The following SHQ1 variants were observed in gnomAD, a reference collection of about 807,000 sequenced individuals.
SHQ1 encodes the protein SHQ1, H/ACA ribonucleoprotein assembly factor.
A neutral mutation model predicts 53.8 loss-of-function variants in SHQ1; 49 were observed. That is an observed-to-expected ratio of 0.91 (90% CI 0.72 to 1.16). SHQ1 has a LOEUF of 1.16. SHQ1 is among the 50% of genes most tolerant of loss of function. The pLI is 0.00. For synonymous variants in SHQ1, 243 were observed against 251.0 expected, an observed-to-expected ratio of 0.97 and a Z score of 0.30; for missense variants, 738 against 683.1, an observed-to-expected ratio of 1.08 and a Z score of -0.90.
At position 72,798,888 on chromosome 3, in the gene SHQ1, C is replaced by T. The variant is rs187740669; in HGVS notation, c.1061-5852G>A. Among the ~76,000 whole-genome samples the T allele has an allele frequency of 1.1e-4, 17 of 152,314 alleles. No homozygotes were observed. In the East Asian group the frequency reaches 3.1e-3, roughly 28 times the overall value. On this transcript the variant is annotated intron_variant, in intron 9 of 10. Coordinates refer to ENST00000325599, the MANE Select transcript of SHQ1 (RefSeq NM_018130.3). ...TTTCTTTTCAACTGCTGGTACATTA[C>T]AGCTATGTGGCTGTGGTTTTCTGGG...
In SHQ1 at chr3:72,752,917, C is replaced by G. The variant is rs1181356769; in HGVS notation, c.1182-2081G>C. On this transcript the variant is annotated intron_variant, in intron 10 of 10. Transcript: ENST00000325599. Reference sequence around the variant, plus strand: ...TGACCTCGTGATCCACCTACCTCGGCCTCCCAAAGTGCTGGGATTACAGGC... The same window carrying G: ...TGACCTCGTGATCCACCTACCTCGGGCTCCCAAAGTGCTGGGATTACAGGC... 3 of 897,674 alleles carry G rather than the reference C, an allele frequency of 3.3e-6. No individual in the cohort carries two copies. The African/African-American group carries it at 5.4e-5, about 16-fold the overall frequency. The allele number at this position is 897,674 out of a possible 1,614,324, so 55.6% of individuals were successfully genotyped here.
In SHQ1 at chr3:72,750,477, G is replaced by A; in HGVS notation, c.1541C>T (p.Ala514Val). The A allele has an allele frequency of 6.2e-7, 1 of 1,614,158 alleles. No homozygotes were observed. The highest frequency in any genetic ancestry group is 8.5e-7 in the Non-Finnish European group (1 of 1,180,022). The change falls in exon 11 of 11, where the codon GCC becomes GTC. Residue 514 changes from alanine to valine, a missense_variant. Transcript: ENST00000325599. ...IVDGGVRRNT[A>V]IQESDASQGK... ...CTGACTGGCATCAGACTCCTGGATG[G>A]CTGTGTTTCTGCGTACTCCACCATC...
chr3:72,733,898 C>T, the SHQ1 span, among the ~76,000 whole-genome samples: 1 of 151,680 alleles, frequency 6.6e-6, no homozygotes, highest in East Asian at 1.9e-4. Context: ...TGATAGTACC[C>T]ATCTTCCTGG....
At chr3:72,790,794 T>TTTAG (rs1706408989) in intron 10 of SHQ1, among the ~76,000 whole-genome samples, 1 of 152,188 alleles carries the variant, frequency 6.6e-6, no homozygotes, top group African/African-American at 2.4e-5. Flanking sequence ...AACACGCCTG[T>TTTAG]TTAGGGAAAA....
At chr3:72,738,958 C>T in the SHQ1 span, among the ~76,000 whole-genome samples, 8 of 152,232 alleles carry the variant, frequency 5.3e-5, no homozygotes, top group East Asian at 1.9e-4. Flanking sequence ...CCAGGAGGCC[C>T]TGCGCGGCTC....
chr3:72,738,956 C>T, the SHQ1 span, among the ~76,000 whole-genome samples: 1 of 152,208 alleles, frequency 6.6e-6, no homozygotes, highest in Admixed American at 6.5e-5. Context: ...AGCCAGGAGG[C>T]CCTGCGCGGC....
At chr3:72,843,720 G>A (rs1708246755) in intron 2 of SHQ1, among the ~76,000 whole-genome samples, 1 of 152,106 alleles carries the variant, frequency 6.6e-6, no homozygotes, top group East Asian at 1.9e-4. Context: ...ACTGCATTAT[G>A]GGTTAGATCT....
chr3:72,844,187 G>A (rs1708261853), intron 2 of SHQ1, among the ~76,000 whole-genome samples, 172 bp downstream of exon 2: 1 of 152,152 alleles, frequency 6.6e-6, no homozygotes, highest in African/African-American at 2.4e-5. Context: ...AGACTTGTGA[G>A]GGGTGGGGAA....
chr3:72,846,743 A>G lies in SHQ1; in HGVS notation c.143+1455T>C, dbSNP rs1342897048. On this transcript the variant is annotated intron_variant, in intron 1 of 10. Coordinates refer to ENST00000325599, the MANE Select transcript of SHQ1 (RefSeq NM_018130.3). ...GAAGTGACACAGGAATTAGACCTTT[A>G]ACATATGAATTTGGGGACAAGAGTT... 2.0e-5 allele frequency among the ~76,000 whole-genome samples: 3 copies of G among 152,250 alleles called. No homozygotes were observed. In the East Asian group the frequency reaches 5.8e-4, roughly 29 times the overall value.
intron 10 of SHQ1, 74 bp downstream of exon 10, chr3:72,792,842 C>T (rs1575697194): frequency 1.6e-5 from 10 of 637,908 alleles, no homozygotes; most frequent in East Asian, 6.1e-5. Context: ...ATTTCGTTTT[C>T]TTCCTCCTGG....
At chr3:72,840,555 C>T (rs1220752310) in intron 4 of SHQ1, among the ~76,000 whole-genome samples, 5 of 133,710 alleles carry the variant, frequency 3.7e-5, no homozygotes, top group African/African-American at 1.6e-4. Flanking sequence ...GGTAAGACTC[C>T]GTCTCAAAAA....
intron 10 of SHQ1, among the ~76,000 whole-genome samples, chr3:72,758,907 T>A (rs1705556581): frequency 6.6e-6 from 1 of 152,134 alleles, no homozygotes; most frequent in African/African-American, 2.4e-5. Context: ...AGTCAGCAGG[T>A]TTGGCTCCTT....
At chr3:72,792,784 C>T in intron 10 of SHQ1, 132 bp downstream of exon 10, 2 of 258,100 alleles carry the variant, frequency 7.7e-6, no homozygotes, top group Non-Finnish European at 1.2e-5. Context: ...ACCTCCATCT[C>T]AAAAAAAAAA....
intron 7 of SHQ1, among the ~76,000 whole-genome samples, chr3:72,815,646 C>G (rs1707289578): frequency 6.6e-6 from 1 of 152,174 alleles, no homozygotes; most frequent in African/African-American, 2.4e-5. Context: ...TACCAGAACA[C>G]AAGAGCAAAC....
chr3:72,842,264 A>G lies in SHQ1; in HGVS notation c.331+16T>C, dbSNP rs1708197822. ...TTCTATTTATCCTAATTTCCTCCCA[A>G]CTGTAATAAACATACCTATTTCTTC... On this transcript the variant is annotated intron_variant, in intron 3 of 10. Transcript: ENST00000325599. 1.9e-6 allele frequency: 3 copies of G among 1,610,272 alleles called. No homozygotes were observed. The highest frequency in any genetic ancestry group is 2.5e-6 in the Non-Finnish European group (3 of 1,177,886).
chr3:72,737,858 A>G, the SHQ1 span, among the ~76,000 whole-genome samples: 2 of 152,206 alleles, frequency 1.3e-5, no homozygotes, highest in Admixed American at 6.5e-5. Context: ...GTGCCTTACA[A>G]ATGAAGTGCA....
rs554294644 is a variant in SHQ1, at chr3:72,814,308, T to C, written c.936+1042A>G. 2.0e-5 allele frequency among the ~76,000 whole-genome samples: 3 copies of C among 152,252 alleles called. No homozygotes were observed. The South Asian group carries it at 6.2e-4, about 31-fold the overall frequency. On this transcript the variant is annotated intron_variant, in intron 8 of 10. Transcript: ENST00000325599. ...CGATTCCTCTATTATATGCTGATCA[T>C]GGCAACATGAGGAACTCCAATGAAG...
the SHQ1 span, among the ~76,000 whole-genome samples, chr3:72,739,218 C>T: frequency 6.6e-6 from 1 of 152,232 alleles, no homozygotes; most frequent in Non-Finnish European, 1.5e-5. Context: ...CAAACGAAGC[C>T]GTGTCACTTC....
At chr3:72,748,329 C>CAAAAAAAAAAA (rs572927520), downstream of SHQ1, among the ~76,000 whole-genome samples, 17 of 58,786 alleles carry the variant, frequency 2.9e-4, 3 homozygotes, top group East Asian at 4.0e-3. Context: ...ATGAGGCATG[C>CAAAAAAAAAAA]AAAAAAAAAA....
Sources: allele counts gnomAD v4.1 joint callset (sites outside exome capture counted in the v4.1 genomes callset), GRCh38; gene constraint gnomAD v4.1.1; transcripts MANE v1.5; gene names NCBI Gene and HGNC (gene_info 2026-07-23, HGNC 2026-07-21).